ERBB2: variants seen among roughly 807,000 people sequenced by gnomAD.
ERBB2 encodes receptor tyrosine-protein kinase erbB-2.
A neutral mutation model predicts 149.0 loss-of-function variants in ERBB2; 61 were observed. The ratio of observed to expected loss-of-function variants is 0.41; its 90% CI spans 0.33 to 0.51. The LOEUF (loss-of-function observed/expected upper bound fraction) is 0.51, where lower values mean the gene tolerates loss of function less well. ERBB2 is among the 20% of genes least tolerant of loss of function. ERBB2 has a pLI of 0.25. For synonymous variants in ERBB2, 633 were observed against 678.8 expected (o/e 0.93, Z 1.05); for missense variants, 1,205 against 1,655.1 (o/e 0.73, Z 4.72).
At position 39,727,159 on chromosome 17, in the gene ERBB2, C is replaced by A; in HGVS notation, c.3160-136C>A. 1 of 1,258,576 alleles carries A rather than the reference C, an allele frequency of 7.9e-7. No homozygotes were observed. Among genetic ancestry groups the A allele is most frequent in the Non-Finnish European group, 1.1e-6 (1 of 893,360 alleles). The allele number at this position is 1,258,576 out of a possible 1,614,324, so 78.0% of individuals were successfully genotyped here. A position where few individuals can be genotyped will look rare whatever the true frequency, so the allele number is the denominator to read the frequency against. ...CTTACTGCCTTCCAACCCCTGTGACCCCATTCTCTCCACGGTGACTGTGTC... is the reference window on the plus strand; with the variant it reads ...CTTACTGCCTTCCAACCCCTGTGACACCATTCTCTCCACGGTGACTGTGTC... On this transcript the variant is annotated intron_variant, in intron 25 of 26. Transcript: ENST00000269571. This position sits in a 1 kb window ranked among gnomAD's most constrained non-coding sequence, Gnocchi z 4.3.
At chr17:39,716,274 C>A (rs761273567) in intron 12 of ERBB2, 27 bp from the exon 13 acceptor site, 15 of 1,546,946 alleles carry the variant, frequency 9.7e-6, no homozygotes, top group Non-Finnish European at 1.3e-5. Flanking sequence ...CTAAAAGTCC[C>A]CTGCGGTCCC....
chr17:39,723,797 C>G lies in ERBB2; in HGVS notation c.2209-115C>G. On this transcript the variant is annotated intron_variant, in intron 18 of 26. Transcript: ENST00000269571. The surrounding 1 kb of genome is among the most constrained non-coding windows in gnomAD (Gnocchi z 6.2). ...AGGGCAGTTACAGCGGAGAAGGGAG[C>G]GGGGCCAAGCCCTAGGGTGGTGAAG... The G allele has an allele frequency of 6.8e-7, 1 of 1,477,658 alleles. No homozygotes were observed. The highest frequency in any genetic ancestry group is 9.3e-7 in the Non-Finnish European group (1 of 1,080,054). The allele number at this position is 1,477,658 out of a possible 1,614,324, so 91.5% of individuals were successfully genotyped here. A position where few individuals can be genotyped will look rare whatever the true frequency, so the allele number is the denominator to read the frequency against.
At chr17:39,709,227 C>T (rs187746433) in intron 3 of ERBB2, 91 bp from the exon 4 acceptor site, 123 of 1,489,290 alleles carry the variant, frequency 8.3e-5, no homozygotes, top group African/African-American at 6.3e-4. Flanking sequence ...GTTTAAAAGG[C>T]CTGCTCCTCT....
At position 39,723,612 on chromosome 17, in the gene ERBB2, G is replaced by C. The variant is rs1349763403; in HGVS notation, c.2160G>C (p.Leu720=). Reference sequence around the variant, plus strand: ...TGCGGATCCTGAAAGAGACGGAGCTGAGGAAGGTGAAGGTGCTTGGATCTG... The same window carrying C: ...TGCGGATCCTGAAAGAGACGGAGCTCAGGAAGGTGAAGGTGCTTGGATCTG... ...AQMRILKETE[L]RKVKVLGSGA... is the part of the protein sequence containing the mutation. Residue 720 remains leucine (L), a synonymous_variant, in exon 18 of 27, where the codon CTG becomes CTC. Coordinates refer to ENST00000269571, the MANE Select transcript of ERBB2 (RefSeq NM_004448.4). This position sits in a 1 kb window ranked among gnomAD's most constrained non-coding sequence, Gnocchi z 6.2. 1 of 1,607,326 alleles carries C rather than the reference G, an allele frequency of 6.2e-7. No individual in the cohort carries two copies.
At chr17:39,712,718 T>G (rs1185847476) in intron 9 of ERBB2, among the ~76,000 whole-genome samples, 1 of 152,192 alleles carries the variant, frequency 6.6e-6, no homozygotes, top group African/African-American at 2.4e-5. Flanking sequence ...GCAGCTTTAT[T>G]CAAAATATCC....
intron 6 of ERBB2, 57 bp from the exon 7 acceptor site, chr17:39,710,283 G>A (rs2058720537): frequency 6.2e-7 from 1 of 1,612,172 alleles, no homozygotes; most frequent in Non-Finnish European, 8.5e-7. Context: ...CTGCCCTATT[G>A]CCCCTGGCAC....
At chr17:39,721,908 A>T (rs951134695) in intron 16 of ERBB2, among the ~76,000 whole-genome samples, 15 of 151,780 alleles carry the variant, frequency 9.9e-5, no homozygotes, top group South Asian at 2.1e-4. Flanking sequence ...TTTTATTTTT[A>T]TTTATTTATT....
At position 39,724,761 on chromosome 17, in the gene ERBB2, T is replaced by C; in HGVS notation, c.2343T>C (p.Tyr781=). ...TGATGGCTGGTGTGGGCTCCCCATA[T>C]GTCTCCCGCCTTCTGGGCATCTGCC... ...AYVMAGVGSP[Y]VSRLLGICLT... Residue 781 remains tyrosine (Y), a synonymous_variant, in exon 20 of 27, where the codon TAT becomes TAC. Coordinates refer to ENST00000269571, the MANE Select transcript of ERBB2 (RefSeq NM_004448.4). The C allele has an allele frequency of 6.2e-7, 1 of 1,614,190 alleles. No homozygotes were observed. Among genetic ancestry groups the C allele is most frequent in the Non-Finnish European group, 8.5e-7 (1 of 1,180,030 alleles).
At chr17:39,719,691 C>G in intron 15 of ERBB2, 96 bp from the exon 16 acceptor site, 2 of 1,271,876 alleles carry the variant, frequency 1.6e-6, no homozygotes, top group Non-Finnish European at 1.1e-6. Flanking sequence ...GGGATAATGA[C>G]CCAGCCACAC....
chr17:39,712,934 C>T (rs1016595251), intron 9 of ERBB2, among the ~76,000 whole-genome samples: 16 of 152,026 alleles, frequency 1.1e-4, no homozygotes, highest in African/African-American at 3.1e-4. Context: ...GGCTCTGAAC[C>T]GAAAAAACCA....
chr17:39,712,268 G>A (rs2145571978), intron 8 of ERBB2, 54 bp from the exon 9 acceptor site: 1 of 1,610,746 alleles, frequency 6.2e-7, no homozygotes. Flanking sequence ...CTGTTGACCT[G>A]TCCCGGTATG....
upstream of ERBB2, among the ~76,000 whole-genome samples, chr17:39,694,261 ATATATATGTGTG>A (rs2057798790): frequency 4.7e-5 from 1 of 21,100 alleles, no homozygotes. Flanking sequence ...ATATATATAT[ATATATATGTGTG>A]TATATATATA....
At chr17:39,708,116 A>G (rs533893700) in intron 2 of ERBB2, 16 of 502,810 alleles carry the variant, frequency 3.2e-5, no homozygotes, top group East Asian at 1.9e-4. Flanking sequence ...CCCCCCCACC[A>G]TTATCTTTCT....
In ERBB2 at chr17:39,726,572, T is replaced by C; in HGVS notation, c.2883T>C (p.Ile961=). ...VYMIMVKCWM[I]DSECRPRFRE... is the part of the protein sequence containing the mutation. ...TCCCTCCTGCCCCAGGTTGGATGAT[T>C]GACTCTGAATGTCGGCCAAGATTCC... The change falls in exon 24 of 27, where the codon ATT becomes ATC. Residue 961 remains isoleucine (I), a synonymous_variant. Transcript: ENST00000269571. The surrounding 1 kb of genome is among the most constrained non-coding windows in gnomAD (Gnocchi z 5.1). The C allele has an allele frequency of 6.2e-7, 1 of 1,614,068 alleles. No individual in the cohort carries two copies. The highest frequency in any genetic ancestry group is 2.2e-5 in the East Asian group (1 of 44,876).
chr17:39,705,038 A>G (rs1265188248), intron 1 of ERBB2, among the ~76,000 whole-genome samples: 2 of 152,082 alleles, frequency 1.3e-5, no homozygotes, highest in African/African-American at 2.4e-5. Flanking sequence ...TGTTGCTCAC[A>G]AGCTTTATGA....
At position 39,726,664 on chromosome 17, in the gene ERBB2, T is replaced by C. The variant is rs1272219148; in HGVS notation, c.2970+5T>C. Reference sequence around the variant, plus strand: ...CAGCGCTTTGTGGTCATCCAGGTACTGGGCCTCTGTGCCCCATCCCTGCCT... The same window carrying C: ...CAGCGCTTTGTGGTCATCCAGGTACCGGGCCTCTGTGCCCCATCCCTGCCT... On this transcript the variant is annotated splice_donor_5th_base_variant and intron_variant, in intron 24 of 26. Transcript: ENST00000269571. This position sits in a 1 kb window ranked among gnomAD's most constrained non-coding sequence, Gnocchi z 5.1. 8.1e-6 allele frequency: 13 copies of C among 1,613,462 alleles called. No individual in the cohort carries two copies. Among genetic ancestry groups the C allele is most frequent in the Non-Finnish European group, 1.1e-5 (13 of 1,179,448 alleles).
At chr17:39,719,388 T>C (rs548474740) in intron 15 of ERBB2, among the ~76,000 whole-genome samples, 1 of 152,270 alleles carries the variant, frequency 6.6e-6, no homozygotes, top group South Asian at 2.1e-4. Flanking sequence ...TTGCAAACAG[T>C]ATGTACAGTC....
At chr17:39,706,864 AG>A in intron 1 of ERBB2, 125 bp from the exon 2 acceptor site, 1 of 890,096 alleles carries the variant, frequency 1.1e-6, no homozygotes, top group African/African-American at 1.7e-5. Context: ...ACATGGGCGG[AG>A]GGGTCCTTCA....
At position 39,711,925 on chromosome 17, in the gene ERBB2, T is replaced by G; in HGVS notation, c.902-3T>G. 1 of 1,614,132 alleles carries G rather than the reference T, an allele frequency of 6.2e-7. No homozygotes were observed. Among genetic ancestry groups the G allele is most frequent in the Non-Finnish European group, 8.5e-7 (1 of 1,179,986 alleles). ...TGTGGCTACATGTTCCTGATCTCCT[T>G]AGACAACTACCTTTCTACGGACGTG... On this transcript the variant is annotated splice_polypyrimidine_tract_variant and splice_region_variant and intron_variant, in intron 7 of 26. Transcript: ENST00000269571.
Sources: allele counts gnomAD v4.1 joint callset (sites outside exome capture counted in the v4.1 genomes callset), GRCh38; gene constraint gnomAD v4.1.1; non-coding constraint Gnocchi (gnomAD v3.1); transcripts MANE v1.5; gene names NCBI Gene and HGNC (gene_info 2026-07-23, HGNC 2026-07-21).